PDE1C: variants seen among roughly 807,000 people sequenced by gnomAD.
PDE1C encodes the protein dual specificity calcium/calmodulin-dependent 3',5'-cyclic nucleotide phosphodiesterase 1C.
In PDE1C, 62 loss-of-function variants were observed where a neutral mutation model predicts 93.1. The ratio of observed to expected loss-of-function variants is 0.67; its 90% confidence interval spans 0.54 to 0.82. PDE1C has a LOEUF of 0.82. PDE1C is among the 40% of genes least tolerant of loss of function. The pLI is 0.00. For synonymous variants in PDE1C, 325 were observed against 310.1 expected (o/e 1.05, Z -0.50); for missense variants, 742 against 884.6 (o/e 0.84, Z 2.04).
At chr7:31,683,438 G>A in the PDE1C span, among the ~76,000 whole-genome samples, 6 of 150,470 alleles carry the variant, frequency 4.0e-5, no homozygotes, top group African/African-American at 1.5e-4. Context: ...TTTTTTCAGT[G>A]AAATGATAAT....
At chr7:31,906,993 G>A (rs1344786873) in intron 2 of PDE1C, among the ~76,000 whole-genome samples, 2 of 151,938 alleles carry the variant, frequency 1.3e-5, no homozygotes, top group Non-Finnish European at 2.9e-5. Context: ...TAACTATGAT[G>A]CAAGGCAGAA....
At chr7:32,148,738 C>T (rs981291517) in intron 3 of PDE1C, among the ~76,000 whole-genome samples, 1 of 152,112 alleles carries the variant, frequency 6.6e-6, no homozygotes, top group Admixed American at 6.6e-5. Context: ...ATCCCCAGCT[C>T]CCAGGTCATT....
chr7:32,367,060 G>A (rs1388067384), intron 1 of PDE1C, among the ~76,000 whole-genome samples: 2 of 152,024 alleles, frequency 1.3e-5, no homozygotes, highest in African/African-American at 4.8e-5. Flanking sequence ...AAGTCTGCCA[G>A]TCAAGAATAT....
At chr7:31,845,254 C>A (rs1792412957) in intron 9 of PDE1C, among the ~76,000 whole-genome samples, 1 of 152,086 alleles carries the variant, frequency 6.6e-6, no homozygotes, top group South Asian at 2.1e-4. Context: ...AATGGCTTAT[C>A]CTAGAGTGTG....
intron 3 of PDE1C, among the ~76,000 whole-genome samples, chr7:32,160,241 G>C (rs1554277293): frequency 1.3e-5 from 2 of 150,944 alleles, no homozygotes; most frequent in South Asian, 4.2e-4. Flanking sequence ...TAAATCATCA[G>C]AAAAAAAAAG....
At chr7:32,260,441 A>G (rs1810115225) in intron 1 of PDE1C, among the ~76,000 whole-genome samples, 1 of 152,218 alleles carries the variant, frequency 6.6e-6, no homozygotes, top group Non-Finnish European at 1.5e-5. Flanking sequence ...TGGCACAGAA[A>G]AGGCCCCCGT....
At chr7:32,083,744 C>T (rs62457521) in intron 3 of PDE1C, among the ~76,000 whole-genome samples, 19,067 of 151,784 alleles carry the variant, frequency 0.13, 1,347 homozygotes, top group East Asian at 0.33. Flanking sequence ...TCATATCCAG[C>T]CAAACTAAGC....
intron 3 of PDE1C, among the ~76,000 whole-genome samples, chr7:32,163,714 A>G (rs1376315621): frequency 6.6e-6 from 1 of 152,152 alleles, no homozygotes; most frequent in African/African-American, 2.4e-5. Context: ...TGAGATGGGC[A>G]ATGCACTGAG....
intron 14 of PDE1C, among the ~76,000 whole-genome samples, chr7:31,822,344 G>C (rs547685712): frequency 6.6e-6 from 1 of 152,000 alleles, no homozygotes; most frequent in Admixed American, 6.6e-5. Context: ...TCAGGTTTGC[G>C]CTACCTGTGC....
At chr7:31,837,682 A>G (rs1036729401) in intron 10 of PDE1C, among the ~76,000 whole-genome samples, 188 bp downstream of exon 10, 3 of 152,124 alleles carry the variant, frequency 2.0e-5, no homozygotes, top group Admixed American at 6.6e-5. Context: ...ATTTCTTTCA[A>G]CCCTGATGAG....
chr7:31,732,151 T>C, the PDE1C span, among the ~76,000 whole-genome samples: 3 of 152,208 alleles, frequency 2.0e-5, no homozygotes, highest in African/African-American at 7.2e-5. Context: ...AGACATTCCC[T>C]GGGAAAGCTC....
chr7:31,892,939 G>A (rs189414818), intron 2 of PDE1C, among the ~76,000 whole-genome samples: 2 of 152,258 alleles, frequency 1.3e-5, no homozygotes, highest in Admixed American at 1.3e-4. Context: ...AAAATGAGAA[G>A]TATGTGAGGT....
intron 2 of PDE1C, among the ~76,000 whole-genome samples, chr7:32,172,823 T>TAA (rs70989638): frequency 0.021 from 2,189 of 104,320 alleles, 42 homozygotes; most frequent in African/African-American, 0.027. Context: ...ACTCCATCTT[T>TAA]AAAAAAAAAA....
rs887227119 is a variant in PDE1C, at chr7:31,823,239, G to A, written c.1416C>T (p.Ser472=). The change falls in exon 14 of 18, where the codon AGC becomes AGT. Residue 472 remains serine, a synonymous_variant. Transcript: ENST00000396191. ...ATCGCTTGGCATCTGACGAGCTGAT[G>A]CTATTCAAACTGGAAAACAAAAAAA... The part of the protein sequence containing the change: ...GTGQRRSSLN[S]ISSSDAKRSG... The A allele has an allele frequency of 5.0e-6, 8 of 1,605,088 alleles. No individual in the cohort carries two copies. In the Admixed American group the frequency reaches 1.4e-4, roughly 28 times the overall value.
intron 1 of PDE1C, among the ~76,000 whole-genome samples, chr7:32,275,885 C>T (rs749296588): frequency 6.6e-6 from 1 of 152,140 alleles, no homozygotes; most frequent in Non-Finnish European, 1.5e-5. Flanking sequence ...TGAAAACATC[C>T]AGAAAATTCA....
chr7:31,768,765 G>T (rs1681046376), intron 17 of PDE1C, among the ~76,000 whole-genome samples: 1 of 151,784 alleles, frequency 6.6e-6, no homozygotes, highest in East Asian at 1.9e-4. Context: ...TTCCTTGTGG[G>T]TTCACTTTTC....
Position 32,012,077 on chromosome 7 carries a change from A to G in PDE1C, c.128+39477T>C, listed in dbSNP as rs543437671. ...AACTAAGTGAAAGAAGTAAGCTGCA[A>G]AAGAGCACACTATATGAATGTTAAT... On this transcript the variant is annotated intron_variant, in intron 2 of 17. Transcript: ENST00000396191. Among the ~76,000 whole-genome samples the G allele has an allele frequency of 5.3e-5, 8 of 152,360 alleles. 1 individual carries two copies. The highest frequency in any genetic ancestry group is 3.9e-4 in the Admixed American group (6 of 15,300).
At chr7:31,661,753 C>T in the PDE1C span, among the ~76,000 whole-genome samples, 4 of 152,042 alleles carry the variant, frequency 2.6e-5, no homozygotes, top group Admixed American at 1.3e-4. Flanking sequence ...ATTGTTGTTT[C>T]TGTTCATTCT....
At chr7:32,168,186 A>C (rs1802423155) in intron 3 of PDE1C, among the ~76,000 whole-genome samples, 1 of 152,234 alleles carries the variant, frequency 6.6e-6, no homozygotes, top group Non-Finnish European at 1.5e-5. Context: ...TTTTTCCTAC[A>C]GCACCAAGTG....
Sources: allele counts gnomAD v4.1 joint callset (sites outside exome capture counted in the v4.1 genomes callset), GRCh38; gene constraint gnomAD v4.1.1; transcripts MANE v1.5; gene names NCBI Gene and HGNC (gene_info 2026-07-23, HGNC 2026-07-21).